Variants in UNC5A observed in about 807,000 individuals in gnomAD.
The protein encoded by UNC5A is netrin receptor UNC5A.
In UNC5A, 20 loss-of-function variants were observed where a neutral mutation model predicts 87.4. That is an observed-to-expected ratio of 0.23 (90% CI 0.16 to 0.33). UNC5A has a LOEUF of 0.33. Ranked by LOEUF, UNC5A falls within the 10% of genes least tolerant of loss-of-function variation. The pLI is 1.00. For missense variants in UNC5A, 844 were observed against 1,133.4 expected (o/e 0.74, Z 3.67); for synonymous variants, 438 against 482.3 (o/e 0.91, Z 1.20).
chr5:176,842,746 G>T (rs1010170907), intron 1 of UNC5A, among the ~76,000 whole-genome samples: 1 of 152,124 alleles, frequency 6.6e-6, no homozygotes, highest in Admixed American at 6.5e-5. Flanking sequence ...TACAAATAGG[G>T]TATAGTGTAT....
rs1292394332 is a variant in UNC5A at position 176,833,713 on chromosome 5, C to T, written c.70+22893C>T. Among the ~76,000 whole-genome samples the T allele has an allele frequency of 7.0e-4, 100 of 142,094 alleles. 1 individual carries two copies. The highest frequency in any genetic ancestry group is 3.8e-3 in the Middle Eastern group (1 of 266). 93.2% of individuals were successfully genotyped at this position (142,094 alleles called of 152,430 possible). Reference sequence around the variant, plus strand: ...GCCTCTTTTTTTATCTTTTTTCTTTCTTTTTTTTTTTTTTGAGACGGAGTC... The same window carrying T: ...GCCTCTTTTTTTATCTTTTTTCTTTTTTTTTTTTTTTTTTGAGACGGAGTC... On this transcript the variant is annotated intron_variant, in intron 1 of 14. Transcript: ENST00000329542.
chr5:176,834,914 G>A (rs912655763), intron 1 of UNC5A, among the ~76,000 whole-genome samples: 6 of 152,180 alleles, frequency 3.9e-5, no homozygotes, highest in East Asian at 3.9e-4. Flanking sequence ...GTGCACTGTC[G>A]GCTCCTGCAG....
Position 176,874,796 on chromosome 5 carries a change from G to C in UNC5A, c.1378+230G>C, listed in dbSNP as rs959867833. On this transcript the variant is annotated intron_variant, in intron 8 of 14. Coordinates refer to ENST00000329542, the MANE Select transcript of UNC5A (RefSeq NM_133369.3). The surrounding 1 kb of genome is among the most constrained non-coding windows in gnomAD (Gnocchi z 7.6). ...ATTGTCCATTCATTTACACAGCCAA[G>C]CAGCCTACTTGTTCCAGTCTCCATG... 1.3e-5 allele frequency among the ~76,000 whole-genome samples: 2 copies of C among 152,190 alleles called. No homozygotes were observed. Among genetic ancestry groups the C allele is most frequent in the Admixed American group, 6.5e-5 (1 of 15,284 alleles).
chr5:176,850,558 C>T (rs1449350039), intron 1 of UNC5A, among the ~76,000 whole-genome samples: 2 of 145,650 alleles, frequency 1.4e-5, no homozygotes, highest in Non-Finnish European at 3.0e-5. Context: ...CGAGGGTGGG[C>T]GGGGAGCCTG....
intron 1 of UNC5A, among the ~76,000 whole-genome samples, chr5:176,817,441 G>A (rs1160506516): frequency 6.6e-6 from 1 of 152,178 alleles, no homozygotes; most frequent in Non-Finnish European, 1.5e-5. Context: ...CCACTGGAGA[G>A]GCTGTGGGGG....
intron 13 of UNC5A, 149 bp from the exon 14 acceptor site, chr5:176,879,160 GC>G: frequency 1.0e-6 from 1 of 971,792 alleles, no homozygotes; most frequent in Non-Finnish European, 1.5e-6. Context: ...AGTAAGAAGG[GC>G]CTTGGCACAT....
intron 2 of UNC5A, among the ~76,000 whole-genome samples, 185 bp from the exon 3 acceptor site, chr5:176,867,945 G>A (rs920290604): frequency 1.3e-5 from 2 of 151,944 alleles, no homozygotes; most frequent in South Asian, 2.1e-4. Flanking sequence ...TGGGCCCCCT[G>A]GAGTTTCCTC....
At chr5:176,812,366 A>G (rs1472230878) in intron 1 of UNC5A, among the ~76,000 whole-genome samples, 1 of 152,210 alleles carries the variant, frequency 6.6e-6, no homozygotes, top group African/African-American at 2.4e-5. Flanking sequence ...CTGTGTGGTC[A>G]TAGCTGCATG....
At chr5:176,876,044 C>T (rs1157161042) in intron 8 of UNC5A, among the ~76,000 whole-genome samples, 1 of 152,264 alleles carries the variant, frequency 6.6e-6, no homozygotes, top group East Asian at 1.9e-4. Context: ...CTGCCACTTC[C>T]CCCGCATCCT....
chr5:176,815,166 C>T (rs180775203), intron 1 of UNC5A, among the ~76,000 whole-genome samples: 24 of 152,322 alleles, frequency 1.6e-4, no homozygotes, highest in African/African-American at 5.5e-4. Context: ...TTTTCTTGAG[C>T]AAATGGTGTC....
rs552287432 is a variant in UNC5A at position 176,825,772 on chromosome 5, T to C, written c.70+14952T>C. On this transcript the variant is annotated intron_variant, in intron 1 of 14. Transcript: ENST00000329542. Reference sequence around the variant, plus strand: ...AATGGGCAGAAGGTCCAGAGCCTCATAAAGCTTTTAAGAGAAGCAGAGGGG... The same window carrying C: ...AATGGGCAGAAGGTCCAGAGCCTCACAAAGCTTTTAAGAGAAGCAGAGGGG... Among the ~76,000 whole-genome samples, 4 of 152,258 alleles carry C rather than the reference T, an allele frequency of 2.6e-5. No homozygotes were observed. The South Asian group carries it at 8.3e-4, about 32-fold the overall frequency.
At chr5:176,873,920 C>T in intron 6 of UNC5A, 48 bp from the exon 7 acceptor site, 2 of 1,583,268 alleles carry the variant, frequency 1.3e-6, no homozygotes. Context: ...CTCTCCTTCC[C>T]AGACTCCTAC....
In UNC5A at chr5:176,835,753, G is replaced by GTGTGTGTGTA. The variant is rs1554097414; in HGVS notation, c.70+24942_70+24943insATGTGTGTGT. On this transcript the variant is annotated intron_variant, in intron 1 of 14. Transcript: ENST00000329542. ...GATGTGTGTGTGTGTGTGTGTGTGT[G>GTGTGTGTGTA]TGTGTGTGTCCTGAAATGATGTGCA... 1.2e-3 allele frequency among the ~76,000 whole-genome samples: 183 copies of GTGTGTGTGTA among 151,616 alleles called. 4 individuals are homozygous for GTGTGTGTGTA. Among genetic ancestry groups the GTGTGTGTGTA allele is most frequent in the African/African-American group, 3.8e-3 (158 of 41,060 alleles).
rs1414785256 is a variant in UNC5A, at chr5:176,879,509, G to C, written c.2363+21G>C. On this transcript the variant is annotated intron_variant, in intron 14 of 14. Transcript: ENST00000329542. Reference sequence around the variant, plus strand: ...GACAGGTGGGCGGGAGAGGGGCAGAGAGGGCCTGCGCAGGCCACCGACAGT... The same window carrying C: ...GACAGGTGGGCGGGAGAGGGGCAGACAGGGCCTGCGCAGGCCACCGACAGT... 2.5e-6 allele frequency: 4 copies of C among 1,593,080 alleles called. 1 individual carries two copies. In the African/African-American group the frequency reaches 5.4e-5, roughly 21 times the overall value.
At chr5:176,829,647 T>C (rs1756952421) in intron 1 of UNC5A, among the ~76,000 whole-genome samples, 1 of 151,788 alleles carries the variant, frequency 6.6e-6, no homozygotes, top group Non-Finnish European at 1.5e-5. Context: ...GATAGACAAG[T>C]AGATATATGG....
intron 1 of UNC5A, among the ~76,000 whole-genome samples, chr5:176,861,343 G>T (rs1757832507): frequency 6.6e-6 from 1 of 152,226 alleles, no homozygotes; most frequent in Non-Finnish European, 1.5e-5. Context: ...GTTCAGGATG[G>T]GGTGGATGGA....
At chr5:176,819,885 T>A (rs1007291384) in intron 1 of UNC5A, among the ~76,000 whole-genome samples, 1 of 152,270 alleles carries the variant, frequency 6.6e-6, no homozygotes, top group African/African-American at 2.4e-5. Context: ...TAAATAAGCA[T>A]GCTGAATAGC....
intron 13 of UNC5A, among the ~76,000 whole-genome samples, chr5:176,879,001 C>T (rs975979859): frequency 1.3e-4 from 20 of 152,052 alleles, no homozygotes; most frequent in African/African-American, 4.6e-4. Flanking sequence ...GGGACTCAGG[C>T]CGTGAAGAGA....
At chr5:176,861,919 A>C (rs1757849884) in intron 1 of UNC5A, among the ~76,000 whole-genome samples, 1 of 152,212 alleles carries the variant, frequency 6.6e-6, no homozygotes, top group Admixed American at 6.5e-5. Context: ...TTGGGCAGGG[A>C]TCAGACTACT....
Sources: allele counts gnomAD v4.1 joint callset (sites outside exome capture counted in the v4.1 genomes callset), GRCh38; gene constraint gnomAD v4.1.1; non-coding constraint Gnocchi (gnomAD v3.1); transcripts MANE v1.5; gene names NCBI Gene and HGNC (gene_info 2026-07-23, HGNC 2026-07-21).